PARD6G: variants seen among roughly 807,000 people sequenced by gnomAD.
PARD6G encodes partitioning defective 6 homolog gamma.
PARD6G carries 7 observed loss-of-function variants against 10.7 expected under a neutral mutation model. The ratio of observed to expected loss-of-function variants is 0.66; its 90% CI spans 0.37 to 1.23. PARD6G has a LOEUF of 1.23. Among genes scored for constraint, PARD6G ranks in the 50% most tolerant of loss-of-function variants. The probability of loss-of-function intolerance (pLI) is 0.02; values close to 1 mark genes in which losing one functional copy is unlikely to be tolerated. For missense variants in PARD6G, 548 were observed against 571.8 expected, an observed-to-expected ratio of 0.96 and a Z score of 0.42; for synonymous variants, 287 against 269.4, an observed-to-expected ratio of 1.07 and a Z score of -0.64.
intron 1 of PARD6G, among the ~76,000 whole-genome samples, chr18:80,240,885 C>T (rs2059774537): frequency 6.6e-6 from 1 of 152,192 alleles, no homozygotes; most frequent in African/African-American, 2.4e-5. Context: ...TGAACCTTCA[C>T]TGGTGTTTTT....
At chr18:80,177,523 C>T (rs1299232150) in intron 2 of PARD6G, among the ~76,000 whole-genome samples, 1 of 145,414 alleles carries the variant, frequency 6.9e-6, no homozygotes, top group Admixed American at 6.9e-5. Flanking sequence ...TGCATACGTG[C>T]ACACACATGC....
chr18:80,183,101 A>C lies in PARD6G; in HGVS notation c.295+19609T>G. The C allele has an allele frequency of 1.4e-6, 1 of 702,858 alleles. No individual in the cohort carries two copies. Among genetic ancestry groups the C allele is most frequent in the Non-Finnish European group, 2.6e-6 (1 of 384,978 alleles). 43.5% of individuals were successfully genotyped at this position (702,858 alleles called of 1,614,324 possible). On this transcript the variant is annotated intron_variant, in intron 2 of 2. Transcript: ENST00000353265. The surrounding 1 kb of genome is among the most constrained non-coding windows in gnomAD (Gnocchi z 4.5). ...GGGCACAGAGAAGTCCCCCTTTCAA[A>C]CCAAGATTTGAGCTGAAGAGTCAGG...
chr18:80,222,525 A>G (rs1451190914), intron 1 of PARD6G, among the ~76,000 whole-genome samples: 3 of 152,238 alleles, frequency 2.0e-5, no homozygotes, highest in African/African-American at 7.2e-5. Context: ...CACTATATCC[A>G]GAAGAATCTT....
chr18:80,200,915 C>A lies in PARD6G; in HGVS notation c.295+1795G>T, dbSNP rs2145279568. Among the ~76,000 whole-genome samples, 2 of 152,360 alleles carry A rather than the reference C, an allele frequency of 1.3e-5. No individual in the cohort carries two copies. Among genetic ancestry groups the A allele is most frequent in the Middle Eastern group, 3.4e-3 (1 of 294 alleles). ...GCACAGTGCCTTCTGCTGGCCTTCA[C>A]CCCAGCTCCACAGTCAGCGGGACAA... is the stretch of plus-strand genomic sequence containing the variant. On this transcript the variant is annotated intron_variant, in intron 2 of 2. Transcript: ENST00000353265. The surrounding 1 kb of genome is among the most constrained non-coding windows in gnomAD (Gnocchi z 4.4).
intron 1 of PARD6G, among the ~76,000 whole-genome samples, chr18:80,207,027 T>C (rs1423323929): frequency 6.7e-6 from 1 of 148,858 alleles, no homozygotes; most frequent in Non-Finnish European, 1.5e-5. Context: ...TAACAGTAAA[T>C]GAAAGATTCT....
At position 80,157,710 on chromosome 18, in the gene PARD6G, T is replaced by G. The variant is rs1770794522; in HGVS notation, c.*2061A>C. On this transcript the variant is annotated 3_prime_UTR_variant, in exon 3 of 3. Coordinates refer to ENST00000353265, the MANE Select transcript of PARD6G (RefSeq NM_032510.4). ...CGGAGAGGTCATGGGGAAGCATCTTTGGTCTTCTCTTGCTTAGGAACAAAG... is the reference window on the plus strand; with the variant it reads ...CGGAGAGGTCATGGGGAAGCATCTTGGGTCTTCTCTTGCTTAGGAACAAAG... The G allele has an allele frequency of 6.6e-6, 1 of 152,212 alleles. No individual in the cohort carries two copies. Among genetic ancestry groups the G allele is most frequent in the African/African-American group, 2.4e-5 (1 of 41,450 alleles). The allele number at this position is 152,212 out of a possible 1,614,324, so 9.4% of individuals were successfully genotyped here.
chr18:80,195,904 T>TTA (rs397693686), intron 2 of PARD6G, among the ~76,000 whole-genome samples: 1 of 149,896 alleles, frequency 6.7e-6, no homozygotes, highest in African/African-American at 2.5e-5. Context: ...TTTTTTTTTT[T>TTA]AAAGTAAAAA....
chr18:80,160,410 G>C lies in PARD6G; in HGVS notation c.492C>G (p.His164Gln). The C allele has an allele frequency of 6.3e-7, 1 of 1,599,484 alleles. No individual in the cohort carries two copies. Among genetic ancestry groups the C allele is most frequent in the Non-Finnish European group, 8.5e-7 (1 of 1,173,570 alleles). Residue 164 changes from histidine to glutamine, a missense_variant, in exon 3 of 3, where the codon CAC becomes CAG. This residue lies in a region of PARD6G where 235 missense variants were observed against 291.9 expected (regional missense o/e 0.81). Transcript: ENST00000353265. Reference sequence around the variant, plus strand: ...AGAAGCCCAGCGGCTTCTCGCAGCCGTGCCGGTGCAGCCGCACTCGCCGGT... The same window carrying C: ...AGAAGCCCAGCGGCTTCTCGCAGCCCTGCCGGTGCAGCCGCACTCGCCGGT... ...ETHRRVRLHR[H>Q]GCEKPLGFYI... is the part of the protein sequence containing the mutation.
intron 1 of PARD6G, among the ~76,000 whole-genome samples, chr18:80,244,591 C>T (rs1258422703): frequency 1.6e-4 from 25 of 152,164 alleles, no homozygotes; most frequent in Admixed American, 1.6e-3. Context: ...CTCTTGTATT[C>T]AATGCATTTC....
At chr18:80,187,148 T>C (rs2052884520) in intron 2 of PARD6G, among the ~76,000 whole-genome samples, 1 of 151,780 alleles carries the variant, frequency 6.6e-6, no homozygotes, top group Non-Finnish European at 1.5e-5. Flanking sequence ...AGGGTTACTC[T>C]AATGGTCTGA....
At chr18:80,194,602 C>T (rs1966933289) in intron 2 of PARD6G, among the ~76,000 whole-genome samples, 1 of 152,070 alleles carries the variant, frequency 6.6e-6, no homozygotes, top group South Asian at 2.1e-4. Flanking sequence ...CCCCCGAGAT[C>T]TTAGTTCCGT....
chr18:80,178,993 AGC>A, intron 2 of PARD6G, among the ~76,000 whole-genome samples: 1 of 152,214 alleles, frequency 6.6e-6, no homozygotes, highest in Non-Finnish European at 1.5e-5. Context: ...GACACGCCAG[AGC>A]CCAGGGAGAG....
chr18:80,169,595 T>A (rs1029157559), intron 2 of PARD6G: 1 of 152,368 alleles, frequency 6.6e-6, no homozygotes, highest in African/African-American at 2.4e-5. Context: ...ATTCCTGATC[T>A]TCCGAGTTTC....
chr18:80,242,306 C>G (rs1967499057), intron 1 of PARD6G, among the ~76,000 whole-genome samples: 1 of 152,204 alleles, frequency 6.6e-6, no homozygotes, highest in Non-Finnish European at 1.5e-5. Flanking sequence ...GTGAGTCAAA[C>G]CATGTCCAGG....
chr18:80,179,632 G>A (rs1164419362), intron 2 of PARD6G, among the ~76,000 whole-genome samples: 1 of 152,198 alleles, frequency 6.6e-6, no homozygotes, highest in Non-Finnish European at 1.5e-5. Context: ...GTTGTTAGGA[G>A]CATGAGTTTC....
intron 2 of PARD6G, among the ~76,000 whole-genome samples, chr18:80,168,576 T>C (rs1020508336): frequency 8.7e-5 from 6 of 68,612 alleles, no homozygotes; most frequent in Admixed American, 7.3e-4. Flanking sequence ...ATTATGTTTG[T>C]GTGTGTGTGT....
intron 2 of PARD6G, among the ~76,000 whole-genome samples, chr18:80,179,728 AGT>A (rs1316690661): frequency 2.6e-5 from 4 of 152,252 alleles, no homozygotes; most frequent in Admixed American, 2.6e-4. Flanking sequence ...TAACAAGCAC[AGT>A]GGCGGATGCC....
chr18:80,176,350 C>T (rs755407305), intron 2 of PARD6G, among the ~76,000 whole-genome samples: 1 of 152,236 alleles, frequency 6.6e-6, no homozygotes, highest in African/African-American at 2.4e-5. Flanking sequence ...CCCACGTTTA[C>T]TTTACACTCA....
chr18:80,230,021 C>A (rs752509931), intron 1 of PARD6G, among the ~76,000 whole-genome samples: 2 of 152,212 alleles, frequency 1.3e-5, no homozygotes, highest in African/African-American at 2.4e-5. Flanking sequence ...ACAGTGTCAC[C>A]ATTTCAGAGG....
Sources: gnomAD v4.1 joint callset for allele counts (sites outside exome capture counted in the v4.1 genomes callset) on GRCh38, gnomAD v4.1.1 for gene constraint, gnomAD v4.1.1 regional missense constraint, Gnocchi (gnomAD v3.1) non-coding constraint, MANE v1.5 for transcripts, NCBI Gene and HGNC (gene_info 2026-07-23, HGNC 2026-07-21) for gene names.